Variants in ATP2C1 observed in about 807,000 individuals in gnomAD.
The protein encoded by ATP2C1 is calcium-transporting ATPase type 2C member 1.
In ATP2C1, 31 loss-of-function variants were observed where a neutral mutation model predicts 120.5. The observed-to-expected ratio is 0.26, with a 90% CI of 0.19 to 0.35. The LOEUF is 0.35. Ranked by LOEUF, ATP2C1 falls within the 10% of genes least tolerant of loss-of-function variation. The pLI, the probability that ATP2C1 is intolerant of heterozygous loss-of-function variation, is 1.00. For synonymous variants in ATP2C1, 351 were observed against 358.7 expected (o/e 0.98, Z 0.24); for missense variants, 731 against 1,107.5 (o/e 0.66, Z 4.83).
At chr3:131,003,925 T>C (rs2063001764), downstream of ATP2C1, among the ~76,000 whole-genome samples, 2 of 152,266 alleles carry the variant, frequency 1.3e-5, no homozygotes, top group Admixed American at 1.3e-4. Context: ...CCTTGCTTTC[T>C]GCCTCTGTCA....
chr3:130,851,382 A>G (rs1030356815), intron 1 of ATP2C1, among the ~76,000 whole-genome samples: 1 of 152,252 alleles, frequency 6.6e-6, no homozygotes, highest in African/African-American at 2.4e-5. Context: ...TAAACAGATC[A>G]TTAACAAGCT....
intron 22 of ATP2C1, among the ~76,000 whole-genome samples, chr3:130,994,328 A>G (rs1228885984): frequency 6.6e-6 from 1 of 152,216 alleles, no homozygotes; most frequent in Non-Finnish European, 1.5e-5. Flanking sequence ...GCCAAGTGCC[A>G]GCCACATTTC....
chr3:130,985,454 G>A (rs1382420087), intron 20 of ATP2C1, among the ~76,000 whole-genome samples: 2 of 151,998 alleles, frequency 1.3e-5, no homozygotes, highest in South Asian at 2.1e-4. Context: ...CCAACATGGC[G>A]AAACCCCATC....
chr3:130,946,329 C>G (rs2060153735), intron 8 of ATP2C1, among the ~76,000 whole-genome samples: 1 of 152,296 alleles, frequency 6.6e-6, no homozygotes, highest in Admixed American at 6.5e-5. Context: ...AATCCTTGTA[C>G]TTTGTTATAG....
intron 12 of ATP2C1, among the ~76,000 whole-genome samples, chr3:130,960,510 T>A (rs537174916): frequency 6.6e-6 from 1 of 152,236 alleles, no homozygotes; most frequent in African/African-American, 2.4e-5. Context: ...AAGATAATTA[T>A]AACTTTCCTA....
chr3:130,934,411 T>G (rs112314930), intron 4 of ATP2C1, among the ~76,000 whole-genome samples: 1 of 152,112 alleles, frequency 6.6e-6, no homozygotes, highest in Admixed American at 6.6e-5. Context: ...TATTTAATTT[T>G]TTTTTTCTGA....
rs911437893 is a variant in ATP2C1, at chr3:130,903,983, C to T, written c.6+9208C>T. The stretch of plus-strand genomic sequence containing the variant: ...TTTAATGATCAAAAAATGCCAAATT[C>T]TTCCCAGAGTGGCAGTATAATTCAG... On this transcript the variant is annotated intron_variant, in intron 2 of 27. Transcript: ENST00000510168. Among the ~76,000 whole-genome samples, 8 of 151,966 alleles carry T rather than the reference C, an allele frequency of 5.3e-5. No homozygotes were observed. The South Asian group carries it at 1.7e-3, about 32-fold the overall frequency.
At chr3:130,893,987 G>A (rs28362548), upstream of ATP2C1, 116,356 of 985,578 alleles carry the variant, frequency 0.12, 7,129 homozygotes, top group East Asian at 0.18. Context: ...GGAAGTAATA[G>A]TGACAAAGCT....
intron 2 of ATP2C1, among the ~76,000 whole-genome samples, chr3:130,902,113 G>C (rs1458680744): frequency 2.6e-5 from 4 of 151,966 alleles, no homozygotes; most frequent in Admixed American, 2.0e-4. Flanking sequence ...TTCCTCACTT[G>C]TAAAGAGATT....
In ATP2C1 at chr3:131,001,962, C is replaced by T; in HGVS notation, c.*612C>T. On this transcript the variant is annotated 3_prime_UTR_variant, in exon 28 of 28. Transcript: ENST00000510168. ...TCTTTTTGTGATTGAAAAGCCTATACTACAATTTGAAGTAAATTTTTGTTT... is the reference window on the plus strand; with the variant it reads ...TCTTTTTGTGATTGAAAAGCCTATATTACAATTTGAAGTAAATTTTTGTTT... The T allele has an allele frequency of 1.0e-6, 1 of 983,336 alleles. No homozygotes were observed. Among genetic ancestry groups the T allele is most frequent in the Non-Finnish European group, 1.2e-6 (1 of 827,730 alleles). The allele number at this position is 983,336 out of a possible 1,614,324, so 60.9% of individuals were successfully genotyped here.
intron 5 of ATP2C1, 30 bp from the exon 6 acceptor site, chr3:130,937,398 C>T (rs758341899): frequency 6.2e-7 from 1 of 1,602,408 alleles, no homozygotes; most frequent in Non-Finnish European, 8.6e-7. Flanking sequence ...AAGTTAATGT[C>T]TGATTTAAAA....
chr3:130,913,811 TAAG>T (rs1346233859), intron 2 of ATP2C1, among the ~76,000 whole-genome samples: 2 of 152,206 alleles, frequency 1.3e-5, no homozygotes, highest in South Asian at 4.1e-4. Flanking sequence ...GTACAATAGT[TAAG>T]AAGGAGGACT....
intron 20 of ATP2C1, among the ~76,000 whole-genome samples, chr3:130,981,675 A>G (rs1028287406): frequency 3.3e-5 from 5 of 152,200 alleles, no homozygotes; most frequent in African/African-American, 1.2e-4. Context: ...CAACCCCACC[A>G]GCAGTGCCTG....
intron 2 of ATP2C1, among the ~76,000 whole-genome samples, chr3:130,901,395 C>T (rs1476803616): frequency 6.6e-6 from 1 of 151,944 alleles, no homozygotes; most frequent in Non-Finnish European, 1.5e-5. Flanking sequence ...TTAGTTACTC[C>T]TGATTTCATC....
At chr3:130,983,198 A>G (rs2061848121) in intron 20 of ATP2C1, among the ~76,000 whole-genome samples, 1 of 152,168 alleles carries the variant, frequency 6.6e-6, no homozygotes, top group East Asian at 1.9e-4. Context: ...GATAATGACA[A>G]TAGCAACCAT....
rs748204512 is a variant in ATP2C1 at position 130,996,112 on chromosome 3, G to A, written c.2126+1G>A. 4.4e-6 allele frequency: 7 copies of A among 1,607,282 alleles called. No individual in the cohort carries two copies. Among genetic ancestry groups the A allele is most frequent in the African/African-American group, 1.3e-5 (1 of 74,912 alleles). On this transcript the variant is annotated splice_donor_variant, in intron 23 of 27. Transcript: ENST00000510168. LOFTEE classifies it high-confidence loss of function. ...ATTTCGTTAGATTCCAGCTGAGCAC[G>A]TAAGTTTGCAAGAAATTTGTCACCA...
At chr3:130,887,044 C>T (rs140211164) in intron 1 of ATP2C1, among the ~76,000 whole-genome samples, 7 of 152,320 alleles carry the variant, frequency 4.6e-5, no homozygotes, top group Non-Finnish European at 1.0e-4. Flanking sequence ...CGTGAGGGGG[C>T]ACCTCAAGCC....
At chr3:130,916,612 G>C (rs533790225) in intron 2 of ATP2C1, among the ~76,000 whole-genome samples, 1 of 151,824 alleles carries the variant, frequency 6.6e-6, no homozygotes, top group South Asian at 2.1e-4. Flanking sequence ...TTGCCTTAGC[G>C]GGGAAACAGC....
At chr3:131,005,109 C>CT (rs35129703), downstream of ATP2C1, among the ~76,000 whole-genome samples, 17,394 of 92,576 alleles carry the variant, frequency 0.19, 1,914 homozygotes, top group East Asian at 0.29. Flanking sequence ...TTTGAATTGT[C>CT]TTTTTTTTTT....
Sources: gnomAD v4.1 joint callset for allele counts (sites outside exome capture counted in the v4.1 genomes callset) on GRCh38, gnomAD v4.1.1 for gene constraint, MANE v1.5 for transcripts, NCBI Gene and HGNC (gene_info 2026-07-23, HGNC 2026-07-21) for gene names.